Variants in IL1RAPL2 observed in about 807,000 individuals in gnomAD.
The protein encoded by IL1RAPL2 is interleukin 1 receptor accessory protein like 2.
Under a neutral mutation model 44.1 loss-of-function variants are expected in IL1RAPL2, and 3 were observed. That is an observed-to-expected ratio of 0.07 (90% CI 0.03 to 0.18). The LOEUF is 0.18. Among genes scored for constraint, IL1RAPL2 ranks in the 10% least tolerant of loss-of-function variants. The probability of loss-of-function intolerance (pLI) is 1.00; values close to 1 mark genes in which losing one functional copy is unlikely to be tolerated. For missense variants in IL1RAPL2, 391 were observed against 496.4 expected (o/e 0.79, Z 2.02); for synonymous variants, 181 against 178.8 (o/e 1.01, Z -0.10).
chrX:105,368,683 A>G (rs187880480), intron 5 of IL1RAPL2, among the ~76,000 whole-genome samples: 2 of 111,370 alleles, frequency 1.8e-5, no homozygotes, highest in African/African-American at 6.5e-5. Context: ...AATTCATCCT[A>G]TTATAGATGA....
intron 2 of IL1RAPL2, among the ~76,000 whole-genome samples, chrX:104,904,373 A>T (rs1923915421): frequency 9.3e-6 from 1 of 107,876 alleles, no homozygotes; most frequent in African/African-American, 3.4e-5. Flanking sequence ...ACATATGTAT[A>T]CATGTGCCAT....
At chrX:105,365,338 T>C (rs1409240017) in intron 5 of IL1RAPL2, among the ~76,000 whole-genome samples, 1 of 111,820 alleles carries the variant, frequency 8.9e-6, no homozygotes, top group African/African-American at 3.2e-5. Flanking sequence ...CTATGTTCAT[T>C]AGGAATATTG....
chrX:105,226,385 C>CT (rs35192051), intron 3 of IL1RAPL2, among the ~76,000 whole-genome samples: 3,636 of 53,299 alleles, frequency 0.068, 596 homozygotes, highest in Non-Finnish European at 0.084. Flanking sequence ...TTTCTTTTCC[C>CT]TTTTTTTTTT....
chrX:104,934,958 A>G (rs1281659421), intron 2 of IL1RAPL2, among the ~76,000 whole-genome samples: 2 of 112,122 alleles, frequency 1.8e-5, no homozygotes, highest in African/African-American at 6.5e-5. Context: ...GTGGATTTCA[A>G]TGAGATCAGT....
intron 2 of IL1RAPL2, among the ~76,000 whole-genome samples, chrX:104,930,019 C>T (rs780868136): frequency 4.5e-5 from 5 of 111,598 alleles, no homozygotes; most frequent in Admixed American, 2.9e-4. Context: ...TGTTCTTTTT[C>T]GACATTAACT....
intron 3 of IL1RAPL2, among the ~76,000 whole-genome samples, chrX:105,230,527 T>A (rs924779686): frequency 2.8e-5 from 3 of 108,247 alleles, no homozygotes; most frequent in Non-Finnish European, 5.7e-5. Context: ...ATTATATATA[T>A]CTTTTAATAT....
At chrX:104,876,970 A>G (rs1373769186) in intron 2 of IL1RAPL2, among the ~76,000 whole-genome samples, 1 of 108,115 alleles carries the variant, frequency 9.2e-6, no homozygotes, top group Non-Finnish European at 1.9e-5. Flanking sequence ...ATGAGTGAGA[A>G]CATCCAGTGT....
chrX:104,702,608 G>T (rs924370523), intron 2 of IL1RAPL2, among the ~76,000 whole-genome samples: 1 of 112,011 alleles, frequency 8.9e-6, no homozygotes, highest in African/African-American at 3.2e-5. Flanking sequence ...AATATATGGA[G>T]ATTTGGGTGT....
intron 2 of IL1RAPL2, among the ~76,000 whole-genome samples, chrX:105,090,387 G>A (rs775054015): frequency 4.2e-4 from 47 of 111,890 alleles, no homozygotes; most frequent in Non-Finnish European, 6.4e-4. Flanking sequence ...GTATGTATAA[G>A]TAGAACTGTA....
At chrX:104,633,789 C>A (rs1438793626) in intron 1 of IL1RAPL2, among the ~76,000 whole-genome samples, 1 of 111,216 alleles carries the variant, frequency 9.0e-6, no homozygotes, top group Non-Finnish European at 1.9e-5. Context: ...TTTCAAAAAA[C>A]CAGCCCCTGG....
At chrX:105,550,394 G>T (rs1301868117) in intron 6 of IL1RAPL2, among the ~76,000 whole-genome samples, 1 of 112,133 alleles carries the variant, frequency 8.9e-6, no homozygotes, top group African/African-American at 3.2e-5. Context: ...AAAAAGGGAT[G>T]GAATTGAACA....
At chrX:105,070,499 G>T (rs1302514758) in intron 2 of IL1RAPL2, among the ~76,000 whole-genome samples, 1 of 110,271 alleles carries the variant, frequency 9.1e-6, no homozygotes, top group East Asian at 2.9e-4. Context: ...TTCAAGACCA[G>T]CCTGACCAAC....
chrX:104,996,587 T>G (rs1299099369), intron 2 of IL1RAPL2, among the ~76,000 whole-genome samples: 1 of 112,242 alleles, frequency 8.9e-6, no homozygotes, highest in African/African-American at 3.2e-5. Flanking sequence ...GCTCTTTTTC[T>G]TAAGTAGATA....
chrX:104,585,292 T>TATATTATATATTATATATTATATAA (rs1928506770), intron 1 of IL1RAPL2, among the ~76,000 whole-genome samples: 1 of 13,033 alleles, frequency 7.7e-5, no homozygotes, highest in African/African-American at 6.6e-4. Flanking sequence ...ATATAATATA[T>TATATTATATATTATATATTATATAA]TATATATTAT....
chrX:104,646,901 G>A (rs1013102892), intron 1 of IL1RAPL2, among the ~76,000 whole-genome samples: 1 of 111,383 alleles, frequency 9.0e-6, no homozygotes, highest in African/African-American at 3.3e-5. Context: ...AAGGCAAAGA[G>A]GTGTTAAGTA....
chrX:104,595,211 A>C (rs1270748555), intron 1 of IL1RAPL2, among the ~76,000 whole-genome samples: 1 of 110,948 alleles, frequency 9.0e-6, no homozygotes, highest in Non-Finnish European at 1.9e-5. Context: ...CAGATTTGGG[A>C]GACATTAATT....
intron 2 of IL1RAPL2, among the ~76,000 whole-genome samples, chrX:104,820,578 A>G (rs1287768341): frequency 1.8e-5 from 2 of 111,808 alleles, no homozygotes; most frequent in East Asian, 5.6e-4. Flanking sequence ...CAGCATTGAG[A>G]GCTGGTCTAA....
chrX:104,613,806 GTTT>G (rs60588678), intron 1 of IL1RAPL2, among the ~76,000 whole-genome samples: 7 of 61,864 alleles, frequency 1.1e-4, no homozygotes, highest in Non-Finnish European at 1.5e-4. Context: ...TCCAGGGCAT[GTTT>G]TTTTTTTTTT....
intron 2 of IL1RAPL2, among the ~76,000 whole-genome samples, chrX:104,849,935 T>C (rs765491498): frequency 9.0e-6 from 1 of 111,222 alleles, no homozygotes; most frequent in Non-Finnish European, 1.9e-5. Flanking sequence ...TCCAACTAGA[T>C]ACAATACATG....
Sources: gnomAD v4.1 joint callset for allele counts (sites outside exome capture counted in the v4.1 genomes callset) on GRCh38, gnomAD v4.1.1 for gene constraint, MANE v1.5 for transcripts, NCBI Gene and HGNC (gene_info 2026-07-23, HGNC 2026-07-21) for gene names.